Variants in FRMD8 observed in about 807,000 individuals in gnomAD.
FRMD8 encodes the protein FERM domain containing 8.
FRMD8 carries 37 observed loss-of-function variants against 54.2 expected under a neutral mutation model. The observed-to-expected ratio is 0.68, with a 90% CI of 0.53 to 0.90. The LOEUF is 0.90. FRMD8 is among the 40% of genes least tolerant of loss of function. The pLI is 0.00. For missense variants in FRMD8, 585 were observed against 653.7 expected (o/e 0.89, Z 1.15); for synonymous variants, 246 against 286.9 (o/e 0.86, Z 1.44).
In FRMD8 at chr11:65,393,563, C is replaced by G. The variant is rs774661833; in HGVS notation, c.254-10C>G. The stretch of plus-strand genomic sequence containing the variant: ...AGGCTGCATGGGCCACTCCCCATCT[C>G]GTCCTGCAGAGGTGCAGCTGAAACC... On this transcript the variant is annotated splice_polypyrimidine_tract_variant and intron_variant, in intron 3 of 10. Coordinates refer to ENST00000317568, the MANE Select transcript of FRMD8 (RefSeq NM_031904.5). 2 of 1,604,460 alleles carry G rather than the reference C, an allele frequency of 1.2e-6. No individual in the cohort carries two copies. Among genetic ancestry groups the G allele is most frequent in the Admixed American group, 3.3e-5 (2 of 60,004 alleles).
intron 3 of FRMD8, among the ~76,000 whole-genome samples, chr11:65,392,524 G>GT (rs1475146616): frequency 3.3e-5 from 5 of 152,208 alleles, no homozygotes; most frequent in African/African-American, 1.2e-4. Flanking sequence ...GGTGGCCACT[G>GT]TTTTTTGGTG....
intron 8 of FRMD8, 108 bp downstream of exon 8, chr11:65,399,967 T>A (rs1856037652): frequency 7.5e-7 from 1 of 1,336,142 alleles, no homozygotes. Flanking sequence ...GTGGATGGAC[T>A]GTCTGGGAGG....
chr11:65,400,878 T>C lies in FRMD8; in HGVS notation c.1071+11T>C. On this transcript the variant is annotated intron_variant, in intron 9 of 10. Transcript: ENST00000317568. This position sits in a 1 kb window ranked among gnomAD's most constrained non-coding sequence, Gnocchi z 4.3. ...ATCTACTCCAAGCAGGTAGCGCGGG[T>C]GGTGCCTGCACACGGGTGGGGAGGC... is the stretch of plus-strand genomic sequence containing the variant. 1 of 1,592,584 alleles carries C rather than the reference T, an allele frequency of 6.3e-7. No individual in the cohort carries two copies. Among genetic ancestry groups the C allele is most frequent in the Non-Finnish European group, 8.6e-7 (1 of 1,168,186 alleles).
At chr11:65,391,791 A>G (rs1254181291) in intron 3 of FRMD8, among the ~76,000 whole-genome samples, 1 of 152,198 alleles carries the variant, frequency 6.6e-6, no homozygotes, top group Non-Finnish European at 1.5e-5. Context: ...GATTACAGAC[A>G]TGAACCATCA....
chr11:65,377,070 A>G, the FRMD8 span: 2 of 1,613,090 alleles, frequency 1.2e-6, no homozygotes, highest in Non-Finnish European at 1.7e-6. Context: ...GGAGCCAGAC[A>G]GTAGGCCTGT....
In FRMD8 at chr11:65,400,893, G is replaced by A. The variant is rs749353382; in HGVS notation, c.1071+26G>A. On this transcript the variant is annotated intron_variant, in intron 9 of 10. Transcript: ENST00000317568. The surrounding 1 kb of genome is among the most constrained non-coding windows in gnomAD (Gnocchi z 4.3). Reference sequence around the variant, plus strand: ...GTAGCGCGGGTGGTGCCTGCACACGGGTGGGGAGGCTGGGCCCAGGTGCCC... The same window carrying A: ...GTAGCGCGGGTGGTGCCTGCACACGAGTGGGGAGGCTGGGCCCAGGTGCCC... 1 of 1,567,392 alleles carries A rather than the reference G, an allele frequency of 6.4e-7. No homozygotes were observed. The highest frequency in any genetic ancestry group is 1.9e-5 in the Admixed American group (1 of 53,994).
At chr11:65,373,776 C>G in the FRMD8 span, among the ~76,000 whole-genome samples, 2 of 152,118 alleles carry the variant, frequency 1.3e-5, no homozygotes, top group African/African-American at 4.8e-5. Flanking sequence ...TTGGTAGATA[C>G]AAGGTCTCAC....
the FRMD8 span, chr11:65,379,654 G>T: frequency 1.4e-6 from 2 of 1,384,606 alleles, no homozygotes; most frequent in African/African-American, 2.9e-5. Context: ...GCTGGAAACT[G>T]CTCCCAAGTC....
At chr11:65,376,978 C>A in the FRMD8 span, 17 of 1,613,044 alleles carry the variant, frequency 1.1e-5, no homozygotes, top group Non-Finnish European at 1.4e-5. Context: ...AGTGCACGGG[C>A]CCCTGGTACC....
the FRMD8 span, chr11:65,377,484 C>T: frequency 1.1e-6 from 1 of 911,624 alleles, no homozygotes; most frequent in African/African-American, 1.8e-5. Context: ...AGCAAAGAAA[C>T]CACCCTTTCC....
chr11:65,392,010 G>A (rs912601178), intron 3 of FRMD8, among the ~76,000 whole-genome samples: 10 of 152,222 alleles, frequency 6.6e-5, no homozygotes, highest in Non-Finnish European at 1.5e-4. Flanking sequence ...GACCCCATGA[G>A]GGGCTCAGTG....
the FRMD8 span, among the ~76,000 whole-genome samples, chr11:65,371,759 T>C: frequency 1.3e-5 from 2 of 151,242 alleles, no homozygotes; most frequent in Admixed American, 1.3e-4. Context: ...TGACTACAGG[T>C]GCGTGCCACC....
the FRMD8 span, chr11:65,380,213 G>A: frequency 9.3e-5 from 150 of 1,613,820 alleles, no homozygotes; most frequent in Non-Finnish European, 1.2e-4. Flanking sequence ...GAGGGCCCTC[G>A]TGCCAGGCCC....
chr11:65,403,165 CCT>C (rs1421404373), intron 9 of FRMD8, among the ~76,000 whole-genome samples: 9 of 149,490 alleles, frequency 6.0e-5, no homozygotes, highest in South Asian at 2.1e-4. Flanking sequence ...GGCATGAGCC[CCT>C]GTGTCTGCCT....
rs763831339 is a variant in FRMD8, at chr11:65,404,839, C to A, written c.1072-25C>A. On this transcript the variant is annotated intron_variant, in intron 9 of 10. Transcript: ENST00000317568. The surrounding 1 kb of genome is among the most constrained non-coding windows in gnomAD (Gnocchi z 4.7). ...GGCATGGAAGGGGGCCCTGGCCAGGCCTCACACTGCCCCCTCCTCCCCAGG... is the reference window on the plus strand; with the variant it reads ...GGCATGGAAGGGGGCCCTGGCCAGGACTCACACTGCCCCCTCCTCCCCAGG... 1 of 1,593,446 alleles carries A rather than the reference C, an allele frequency of 6.3e-7. No individual in the cohort carries two copies. The highest frequency in any genetic ancestry group is 8.6e-7 in the Non-Finnish European group (1 of 1,164,176).
chr11:65,402,488 C>T (rs1856104846), intron 9 of FRMD8, among the ~76,000 whole-genome samples: 1 of 152,180 alleles, frequency 6.6e-6, no homozygotes, highest in African/African-American at 2.4e-5. Context: ...CTGATAATCA[C>T]ACTATATATT....
chr11:65,404,875 G>A lies in FRMD8; in HGVS notation c.1083G>A (p.Met361Ile), dbSNP rs956341588. The A allele has an allele frequency of 5.6e-6, 9 of 1,612,134 alleles. No individual in the cohort carries two copies. Among genetic ancestry groups the A allele is most frequent in the Admixed American group, 1.7e-5 (1 of 59,978 alleles). ...LKIYSKQAEL[M>I]SSLIEYCIEL... Reference sequence around the variant, plus strand: ...CCCCTCCTCCCCAGGCCGAACTGATGAGCAGTCTCATTGAGTACTGCATCG... The same window carrying A: ...CCCCTCCTCCCCAGGCCGAACTGATAAGCAGTCTCATTGAGTACTGCATCG... The change falls in exon 10 of 11, where the codon ATG becomes ATA. Residue 361 changes from methionine (M) to isoleucine (I), a missense_variant. Coordinates refer to ENST00000317568, the MANE Select transcript of FRMD8 (RefSeq NM_031904.5). This position sits in a 1 kb window ranked among gnomAD's most constrained non-coding sequence, Gnocchi z 4.7.
intron 7 of FRMD8, 71 bp from the exon 8 acceptor site, chr11:65,399,665 G>A: frequency 6.3e-7 from 1 of 1,575,208 alleles, no homozygotes; most frequent in Non-Finnish European, 8.6e-7. Flanking sequence ...CAGAGCCCAG[G>A]TTGGGGCCTC....
chr11:65,381,136 CTT>C, the FRMD8 span: 4 of 148,350 alleles, frequency 2.7e-5, no homozygotes, highest in South Asian at 6.3e-4. Flanking sequence ...GGAACCCAGA[CTT>C]TTTTTTTTTG....
Sources: gnomAD v4.1 joint callset for allele counts (sites outside exome capture counted in the v4.1 genomes callset) on GRCh38, gnomAD v4.1.1 for gene constraint, Gnocchi (gnomAD v3.1) non-coding constraint, MANE v1.5 for transcripts, NCBI Gene and HGNC (gene_info 2026-07-23, HGNC 2026-07-21) for gene names.